The following ISM1 variants were observed in gnomAD, a reference collection of about 807,000 sequenced individuals.
ISM1 encodes isthmin 1, also known as isthmin-1.
ISM1 carries 25 observed loss-of-function variants against 46.3 expected under a neutral mutation model. That is an observed-to-expected ratio of 0.54 (90% CI 0.39 to 0.75). ISM1 has a LOEUF of 0.75. Among genes scored for constraint, ISM1 ranks in the 30% least tolerant of loss-of-function variants. The pLI, the probability that ISM1 is intolerant of heterozygous loss-of-function variation, is 0.00. For synonymous variants in ISM1, 255 were observed against 256.7 expected (o/e 0.99, Z 0.06); for missense variants, 536 against 625.4 (o/e 0.86, Z 1.52).
chr20:13,222,793 G>A (rs2039466794), intron 1 of ISM1, among the ~76,000 whole-genome samples: 1 of 152,134 alleles, frequency 6.6e-6, no homozygotes, highest in Non-Finnish European at 1.5e-5. Context: ...CTAGGGGTGG[G>A]ACAACTGTAA....
At chr20:13,280,002 G>T in intron 3 of ISM1, 104 bp downstream of exon 3, 1 of 1,175,908 alleles carries the variant, frequency 8.5e-7, no homozygotes. Flanking sequence ...TGTGGCTTTT[G>T]GTCTTCTGTG....
chr20:13,299,767 A>G lies in ISM1; in HGVS notation c.*308A>G, dbSNP rs1163575793. On this transcript the variant is annotated 3_prime_UTR_variant, in exon 6 of 6. Coordinates refer to ENST00000262487, the MANE Select transcript of ISM1 (RefSeq NM_080826.2). This position sits in a 1 kb window ranked among gnomAD's most constrained non-coding sequence, Gnocchi z 5.8. Reference sequence around the variant, plus strand: ...CCACAGTGGGTGCGACTCAATTCACACCCGGATCCAGAGTTTCAAAGAGAG... The same window carrying G: ...CCACAGTGGGTGCGACTCAATTCACGCCCGGATCCAGAGTTTCAAAGAGAG... 3.2e-5 allele frequency: 9 copies of G among 277,076 alleles called. No individual in the cohort carries two copies. The highest frequency in any genetic ancestry group is 5.5e-5 in the Non-Finnish European group (8 of 145,892). The allele number at this position is 277,076 out of a possible 1,614,324, so 17.2% of individuals were successfully genotyped here.
the ISM1 span, among the ~76,000 whole-genome samples, chr20:13,309,786 G>A: frequency 6.6e-6 from 1 of 151,968 alleles, no homozygotes; most frequent in Admixed American, 6.6e-5. Context: ...AATCAGCAAT[G>A]TTTCTATAAG....
intron 2 of ISM1, among the ~76,000 whole-genome samples, chr20:13,278,992 C>T (rs767572879): frequency 1.3e-5 from 2 of 152,176 alleles, no homozygotes; most frequent in Non-Finnish European, 2.9e-5. Context: ...CTGTTAATAC[C>T]TGTCACCATT....
At chr20:13,284,361 G>A (rs139896996) in intron 3 of ISM1, among the ~76,000 whole-genome samples, 12 of 152,280 alleles carry the variant, frequency 7.9e-5, no homozygotes, top group African/African-American at 1.9e-4. Flanking sequence ...CACTGCACTC[G>A]GGATAGTTTT....
At chr20:13,310,711 C>T in the ISM1 span, among the ~76,000 whole-genome samples, 2 of 152,114 alleles carry the variant, frequency 1.3e-5, no homozygotes, top group African/African-American at 4.8e-5. Flanking sequence ...AAAACTCAAA[C>T]AACTTAACAG....
chr20:13,287,998 G>C (rs1324899895), intron 3 of ISM1, among the ~76,000 whole-genome samples: 1 of 152,180 alleles, frequency 6.6e-6, no homozygotes. Flanking sequence ...CACATGTCTG[G>C]TGTCTGTAGT....
chr20:13,252,682 G>A (rs984961027), intron 1 of ISM1, among the ~76,000 whole-genome samples: 1 of 152,158 alleles, frequency 6.6e-6, no homozygotes, highest in East Asian at 1.9e-4. Flanking sequence ...TTGAACACGG[G>A]AGACAGAGGT....
chr20:13,250,762 T>C (rs1377455484), intron 1 of ISM1, among the ~76,000 whole-genome samples: 6 of 152,224 alleles, frequency 3.9e-5, no homozygotes, highest in Non-Finnish European at 1.5e-5. Flanking sequence ...AGTAATTACA[T>C]ATTGAATGAG....
At chr20:13,226,775 AT>A (rs1187705078) in intron 1 of ISM1, among the ~76,000 whole-genome samples, 1 of 152,218 alleles carries the variant, frequency 6.6e-6, no homozygotes, top group Non-Finnish European at 1.5e-5. Context: ...AAAAGCAGAA[AT>A]TGCAAGACCT....
At chr20:13,274,671 C>A (rs1478822527) in intron 2 of ISM1, among the ~76,000 whole-genome samples, 1 of 126,174 alleles carries the variant, frequency 7.9e-6, no homozygotes, top group African/African-American at 2.7e-5. Flanking sequence ...CCACTCCCCG[C>A]CCCCCCCGCG....
chr20:13,264,027 G>A (rs1215733770), intron 1 of ISM1, among the ~76,000 whole-genome samples: 1 of 152,026 alleles, frequency 6.6e-6, no homozygotes, highest in East Asian at 1.9e-4. Flanking sequence ...CCTGTAGCCT[G>A]AGCCTAATTA....
chr20:13,273,367 TG>T (rs1166943399), intron 2 of ISM1, among the ~76,000 whole-genome samples: 2 of 152,044 alleles, frequency 1.3e-5, no homozygotes, highest in African/African-American at 4.8e-5. Flanking sequence ...CCTGAGTAGC[TG>T]GGACTACAGG....
chr20:13,316,599 G>A, the ISM1 span, among the ~76,000 whole-genome samples: 3 of 151,698 alleles, frequency 2.0e-5, no homozygotes, highest in African/African-American at 7.3e-5. Flanking sequence ...ATGACCAAGT[G>A]GGATTTATCC....
Position 13,293,416 on chromosome 20 carries a change from T to A in ISM1, c.877+953T>A, listed in dbSNP as rs188700262. ...TTGTAGAAGGGTAAAATTCCTTCTG[T>A]CCCATATCTTTTAGCTACCCAAAAG... On this transcript the variant is annotated intron_variant, in intron 5 of 5. Transcript: ENST00000262487. Among the ~76,000 whole-genome samples, 9 of 152,194 alleles carry A rather than the reference T, an allele frequency of 5.9e-5. No homozygotes were observed. The South Asian group carries it at 1.2e-3, about 21-fold the overall frequency.
At chr20:13,250,180 A>T (rs1441497240) in intron 1 of ISM1, among the ~76,000 whole-genome samples, 1 of 152,198 alleles carries the variant, frequency 6.6e-6, no homozygotes, top group Non-Finnish European at 1.5e-5. Context: ...TAGGGTAGCC[A>T]GGAGGCTTAG....
At chr20:13,275,200 G>A (rs1054208006) in intron 2 of ISM1, among the ~76,000 whole-genome samples, 7 of 150,226 alleles carry the variant, frequency 4.7e-5, no homozygotes, top group African/African-American at 1.7e-4. Flanking sequence ...CCATTAAGAC[G>A]GACTTAAAAA....
At chr20:13,253,132 G>A (rs147905440) in intron 1 of ISM1, among the ~76,000 whole-genome samples, 233 of 152,286 alleles carry the variant, frequency 1.5e-3, no homozygotes, top group African/African-American at 5.1e-3. Context: ...AAGCAGACCT[G>A]GCAAAGCTAG....
Position 13,299,308 on chromosome 20 carries a change from A to G in ISM1, c.1244A>G (p.His415Arg). Reference protein sequence around the residue: ...LISTEFSAELHYKVDVLPWII... With the variant: ...LISTEFSAELRYKVDVLPWII... ...AGCACCGAGTTCTCCGCGGAGCTCCACTACAAGGTGGACGTCCTGCCCTGG... is the reference window on the plus strand; with the variant it reads ...AGCACCGAGTTCTCCGCGGAGCTCCGCTACAAGGTGGACGTCCTGCCCTGG... The change falls in exon 6 of 6, where the codon CAC becomes CGC. Residue 415 changes from histidine to arginine, a missense_variant. This residue lies in a region of ISM1 where 169 missense variants were observed against 249.3 expected (regional missense o/e 0.68). Transcript: ENST00000262487. This position sits in a 1 kb window ranked among gnomAD's most constrained non-coding sequence, Gnocchi z 5.8. The G allele has an allele frequency of 1.2e-6, 2 of 1,613,782 alleles. No individual in the cohort carries two copies. The highest frequency in any genetic ancestry group is 1.7e-6 in the Non-Finnish European group (2 of 1,179,782).
Sources: gnomAD v4.1 joint callset for allele counts (sites outside exome capture counted in the v4.1 genomes callset) on GRCh38, gnomAD v4.1.1 for gene constraint, gnomAD v4.1.1 regional missense constraint, Gnocchi (gnomAD v3.1) non-coding constraint, MANE v1.5 for transcripts, NCBI Gene and HGNC (gene_info 2026-07-23, HGNC 2026-07-21) for gene names.